The following KCNH7 variants were observed in gnomAD, a reference collection of about 807,000 sequenced individuals.
The protein encoded by KCNH7 is voltage-gated inwardly rectifying potassium channel KCNH7.
A neutral mutation model predicts 120.8 loss-of-function variants in KCNH7; 49 were observed. That is an observed-to-expected ratio of 0.41 (90% CI 0.32 to 0.51). KCNH7 has a LOEUF of 0.51. KCNH7 is among the 20% of genes least tolerant of loss of function. KCNH7 has a pLI of 0.38. For missense variants in KCNH7, 1,097 were observed against 1,446.6 expected (o/e 0.76, Z 3.92); for synonymous variants, 547 against 516.1 (o/e 1.06, Z -0.81).
At chr2:162,749,331 A>G (rs1448709659) in intron 2 of KCNH7, among the ~76,000 whole-genome samples, 1 of 152,096 alleles carries the variant, frequency 6.6e-6, no homozygotes, top group African/African-American at 2.4e-5. Context: ...CAGAAAATAG[A>G]TACTATTCAT....
intron 2 of KCNH7, among the ~76,000 whole-genome samples, chr2:162,565,641 A>G (rs1246860156): frequency 6.6e-6 from 1 of 152,110 alleles, no homozygotes; most frequent in Non-Finnish European, 1.5e-5. Context: ...ACTTGTTTCC[A>G]TCGTTAAATA....
intron 2 of KCNH7, among the ~76,000 whole-genome samples, chr2:162,626,461 A>G (rs11689699): frequency 0.64 from 96,562 of 151,472 alleles, 32,298 homozygotes; most frequent in African/African-American, 0.84. Flanking sequence ...TGGAATTCTG[A>G]AAGTCATGAA....
chr2:162,639,807 G>A (rs1684084908), intron 2 of KCNH7, among the ~76,000 whole-genome samples: 1 of 151,992 alleles, frequency 6.6e-6, no homozygotes, highest in South Asian at 2.1e-4. Flanking sequence ...ACACATGATT[G>A]ATGGCACACA....
intron 2 of KCNH7, among the ~76,000 whole-genome samples, chr2:162,834,273 T>A (rs1532239): frequency 0.6 from 91,242 of 151,920 alleles, 28,388 homozygotes; most frequent in South Asian, 0.84. Context: ...AGTTTATTAC[T>A]TTCAAAGCAA....
rs529869092 is a variant in KCNH7, at chr2:162,817,139, T to C, written c.307+19398A>G. Among the ~76,000 whole-genome samples the C allele has an allele frequency of 1.7e-4, 26 of 152,250 alleles. No individual in the cohort carries two copies. The East Asian group carries it at 3.9e-3, about 23-fold the overall frequency. On this transcript the variant is annotated intron_variant, in intron 2 of 15. Transcript: ENST00000332142. ...AATGTGTTAGATTTGAACCAATGCA[T>C]AGACTCAAGTAATCAATACCCAATC...
At chr2:162,661,183 C>T (rs1197704049) in intron 2 of KCNH7, among the ~76,000 whole-genome samples, 4 of 152,180 alleles carry the variant, frequency 2.6e-5, no homozygotes, top group African/African-American at 9.7e-5. Flanking sequence ...CTACCTCCTG[C>T]CTGCCAATAG....
intron 2 of KCNH7, among the ~76,000 whole-genome samples, chr2:162,620,167 G>T (rs368177604): frequency 0.077 from 11,495 of 149,684 alleles, 499 homozygotes; most frequent in East Asian, 0.12. Flanking sequence ...TATATAGAGA[G>T]AGAGATAGAT....
At chr2:162,436,140 C>T (rs1688228461) in intron 7 of KCNH7, among the ~76,000 whole-genome samples, 1 of 151,908 alleles carries the variant, frequency 6.6e-6, no homozygotes, top group African/African-American at 2.4e-5. Context: ...AGAAATATGA[C>T]AGAGGGTATT....
intron 6 of KCNH7, among the ~76,000 whole-genome samples, chr2:162,485,088 C>T (rs1176792844): frequency 6.6e-6 from 1 of 152,224 alleles, no homozygotes; most frequent in Middle Eastern, 3.4e-3. Flanking sequence ...TTTAAGCAAA[C>T]ACACAAATAA....
intron 2 of KCNH7, among the ~76,000 whole-genome samples, chr2:162,769,681 C>CAT (rs907371827): frequency 4.6e-5 from 7 of 151,568 alleles, no homozygotes; most frequent in African/African-American, 1.7e-4. Flanking sequence ...ATTATGCATA[C>CAT]ATATATATGT....
At chr2:162,785,657 G>T (rs1054751279) in intron 2 of KCNH7, among the ~76,000 whole-genome samples, 9 of 151,928 alleles carry the variant, frequency 5.9e-5, no homozygotes, top group Non-Finnish European at 1.0e-4. Flanking sequence ...CTCCTGTTTT[G>T]CACTATTACT....
chr2:162,518,178 A>G lies in KCNH7; in HGVS notation c.464-20T>C. 1 of 1,570,306 alleles carries G rather than the reference A, an allele frequency of 6.4e-7. No individual in the cohort carries two copies. The highest frequency in any genetic ancestry group is 2.3e-5 in the East Asian group (1 of 44,328). ...ATTTCCCTATAAATGGAGACAGGAGAGAGCATTATTATAAGGCAAATGATA... is the reference window on the plus strand; with the variant it reads ...ATTTCCCTATAAATGGAGACAGGAGGGAGCATTATTATAAGGCAAATGATA... On this transcript the variant is annotated intron_variant, in intron 3 of 15. Coordinates refer to ENST00000332142, the MANE Select transcript of KCNH7 (RefSeq NM_033272.4).
intron 12 of KCNH7, among the ~76,000 whole-genome samples, chr2:162,385,216 T>G (rs1359011305): frequency 6.6e-6 from 1 of 151,894 alleles, no homozygotes; most frequent in Non-Finnish European, 1.5e-5. Context: ...TATGTTCAAG[T>G]TATTTGTATT....
chr2:162,623,775 C>T (rs769300738), intron 2 of KCNH7, among the ~76,000 whole-genome samples: 7 of 152,108 alleles, frequency 4.6e-5, no homozygotes, highest in African/African-American at 9.7e-5. Context: ...GCAGTGAATG[C>T]GCCTGGTACA....
chr2:162,624,264 G>A (rs906562317), intron 2 of KCNH7, among the ~76,000 whole-genome samples: 1 of 152,066 alleles, frequency 6.6e-6, no homozygotes, highest in Non-Finnish European at 1.5e-5. Context: ...CATCTCATGG[G>A]TAACCATTTT....
At position 162,446,168 on chromosome 2, in the gene KCNH7, T is replaced by C. The variant is rs1165038869; in HGVS notation, c.1404A>G (p.Ile468Met). 2 of 1,613,738 alleles carry C rather than the reference T, an allele frequency of 1.2e-6. No homozygotes were observed. The highest frequency in any genetic ancestry group is 1.7e-6 in the Non-Finnish European group (2 of 1,179,832). ...VDIMFIIDILINFRTTYVNQN... is the reference protein window; with the variant it reads ...VDIMFIIDILMNFRTTYVNQN... ...GATTTACATATGTTGTTCTGAAGTT[T>C]ATTAAAATATCTATGATAAACATAA... Residue 468 changes from isoleucine (I) to methionine (M), a missense_variant, in exon 7 of 16, where the codon ATA (isoleucine) becomes ATG (methionine). By Grantham distance (10) the Ile-to-Met change is conservative (BLOSUM62 1). This residue lies in a region of KCNH7 where 109 missense variants were observed against 196.8 expected (regional missense o/e 0.55). Coordinates refer to ENST00000332142, the MANE Select transcript of KCNH7 (RefSeq NM_033272.4).
chr2:162,557,294 G>A (rs184030817), intron 2 of KCNH7, among the ~76,000 whole-genome samples: 1 of 152,296 alleles, frequency 6.6e-6, no homozygotes, highest in African/African-American at 2.4e-5. Flanking sequence ...AGAGAATGAT[G>A]CCTAAGTTTC....
rs912084697 is a variant in KCNH7, at chr2:162,481,949, T to TTATC, written c.1128+22490_1128+22493dup. Among the ~76,000 whole-genome samples the TTATC allele has an allele frequency of 4.0e-4, 59 of 148,670 alleles. 1 individual carries two copies. The highest frequency in any genetic ancestry group is 7.4e-5 in the Non-Finnish European group (5 of 67,906). On this transcript the variant is annotated intron_variant, in intron 6 of 15. Transcript: ENST00000332142. ...TTATACAGACACATATATACACAGG[T>TTATC]TATCTATCTATCTATCATCTATCTA...
chr2:162,836,696 C>T lies in KCNH7; in HGVS notation c.148G>A (p.Glu50Lys), dbSNP rs754794308. ...AIIYCNDGFC[E>K]MTGFSRPDVM... is the part of the protein sequence containing the mutation. ...TCTGGCCTGGAGAAACCAGTCATCT[C>T]ACAGAACCCATCGTTGCAATAAATG... The change falls in exon 2 of 16, where the codon GAG (glutamate) becomes AAG (lysine). Residue 50 changes from glutamate (E) to lysine (K), a missense_variant. Physicochemically the swap from Glu to Lys is moderately conservative, Grantham distance 56 (BLOSUM62 1). Transcript: ENST00000332142. The T allele has an allele frequency of 1.2e-6, 2 of 1,614,022 alleles. No individual in the cohort carries two copies. Among genetic ancestry groups the T allele is most frequent in the African/African-American group, 1.3e-5 (1 of 74,896 alleles).
Sources: allele counts gnomAD v4.1 joint callset (sites outside exome capture counted in the v4.1 genomes callset), GRCh38; gene constraint gnomAD v4.1.1; regional missense constraint gnomAD v4.1.1; transcripts MANE v1.5; gene names NCBI Gene and HGNC (gene_info 2026-07-23, HGNC 2026-07-21).